The following TANGO6 variants were observed in gnomAD, a reference collection of about 807,000 sequenced individuals.
TANGO6 encodes transport and Golgi organization protein 6 homolog.
A neutral mutation model predicts 114.2 loss-of-function variants in TANGO6; 90 were observed. That is an observed-to-expected ratio of 0.79 (90% CI 0.66 to 0.94). The LOEUF (loss-of-function observed/expected upper bound fraction) is 0.94. Ranked by LOEUF, TANGO6 falls within the 40% of genes least tolerant of loss-of-function variation. The probability of loss-of-function intolerance (pLI) is 0.00; values close to 1 mark genes in which losing one functional copy is unlikely to be tolerated. For missense variants in TANGO6, 1,274 were observed against 1,315.3 expected, an observed-to-expected ratio of 0.97 and a Z score of 0.49; for synonymous variants, 477 against 509.8, an observed-to-expected ratio of 0.94 and a Z score of 0.87.
chr16:68,888,426 C>T (rs1011687754), intron 7 of TANGO6, among the ~76,000 whole-genome samples: 5 of 152,232 alleles, frequency 3.3e-5, no homozygotes, highest in Admixed American at 1.3e-4. Context: ...ATTTTTTGCT[C>T]GTAAGAGGAT....
chr16:68,970,395 C>CGGT (rs1348879707), intron 14 of TANGO6, among the ~76,000 whole-genome samples: 2 of 152,144 alleles, frequency 1.3e-5, no homozygotes, highest in Admixed American at 1.3e-4. Context: ...GGGCCCGGCA[C>CGGT]GGTGGCTCAT....
At chr16:69,040,183 C>G in intron 16 of TANGO6, 125 bp from the exon 17 acceptor site, 1 of 753,826 alleles carries the variant, frequency 1.3e-6, no homozygotes, top group Non-Finnish European at 2.2e-6. Context: ...GATTAAGCAA[C>G]TATCCAGCCC....
intron 15 of TANGO6, among the ~76,000 whole-genome samples, chr16:68,998,778 T>C (rs909487978): frequency 6.6e-6 from 1 of 152,076 alleles, no homozygotes; most frequent in Non-Finnish European, 1.5e-5. Flanking sequence ...TTTAGTCTTA[T>C]TAAACTTGGC....
intron 6 of TANGO6, among the ~76,000 whole-genome samples, chr16:68,878,848 A>G (rs528767181): frequency 3.3e-5 from 5 of 151,840 alleles, no homozygotes; most frequent in Admixed American, 3.3e-4. Flanking sequence ...TTAGGCGGGC[A>G]GATTGCTTGA....
chr16:69,081,014 T>C (rs1960456930), intron 17 of TANGO6, among the ~76,000 whole-genome samples: 2 of 152,064 alleles, frequency 1.3e-5, no homozygotes, highest in African/African-American at 4.8e-5. Context: ...GGTGGGCACC[T>C]GTAGTCCCAG....
intron 16 of TANGO6, among the ~76,000 whole-genome samples, chr16:69,023,834 T>A (rs890027930): frequency 6.6e-6 from 1 of 152,166 alleles, no homozygotes; most frequent in Non-Finnish European, 1.5e-5. Context: ...AAAAGATGAA[T>A]GGTGAACCAT....
intron 15 of TANGO6, among the ~76,000 whole-genome samples, chr16:69,015,627 G>T (rs1285158804): frequency 6.6e-6 from 1 of 151,782 alleles, no homozygotes; most frequent in East Asian, 1.9e-4. Context: ...GACTACAGGC[G>T]CCCGCCACCA....
rs1240874992 is a variant in TANGO6 at position 69,083,844 on chromosome 16, C to G, written c.*183C>G. The G allele has an allele frequency of 1.7e-6, 1 of 598,066 alleles. No homozygotes were observed. Among genetic ancestry groups the G allele is most frequent in the African/African-American group, 1.9e-5 (1 of 53,828 alleles). 37.0% of individuals were successfully genotyped at this position (598,066 alleles called of 1,614,324 possible). A position where few individuals can be genotyped will look rare whatever the true frequency, so the allele number is the denominator to read the frequency against. ...CTTCCGAGGGCATGTGTTCAGCACT[C>G]CCGCGTTCAGCCTGAGGGGTGTACA... On this transcript the variant is annotated 3_prime_UTR_variant, in exon 18 of 18. Coordinates refer to ENST00000261778, the MANE Select transcript of TANGO6 (RefSeq NM_024562.2).
chr16:69,011,327 G>A (rs765632267), intron 15 of TANGO6, among the ~76,000 whole-genome samples: 26 of 152,098 alleles, frequency 1.7e-4, no homozygotes, highest in Non-Finnish European at 3.8e-4. Context: ...TAAGAATTTG[G>A]CAGAGTGGAA....
chr16:69,066,235 T>C (rs750512775), intron 17 of TANGO6, among the ~76,000 whole-genome samples: 1 of 152,194 alleles, frequency 6.6e-6, no homozygotes, highest in Non-Finnish European at 1.5e-5. Context: ...TTCTCCTCTC[T>C]AGTCTTTGTT....
chr16:69,013,937 C>T (rs1401792935), intron 15 of TANGO6, among the ~76,000 whole-genome samples: 5 of 152,158 alleles, frequency 3.3e-5, no homozygotes, highest in Non-Finnish European at 5.9e-5. Context: ...GGATTACAGA[C>T]GTGAGCCACC....
chr16:68,921,045 G>A (rs1251996109), intron 12 of TANGO6, among the ~76,000 whole-genome samples: 1 of 149,384 alleles, frequency 6.7e-6, no homozygotes, highest in Non-Finnish European at 1.5e-5. Context: ...GGAGGTTGCA[G>A]TGGGCGGAGG....
chr16:68,870,418 A>G (rs1962249338), intron 4 of TANGO6, among the ~76,000 whole-genome samples: 1 of 152,170 alleles, frequency 6.6e-6, no homozygotes, highest in South Asian at 2.1e-4. Flanking sequence ...AGTTCTCCCC[A>G]CAGTGGCTTC....
chr16:69,064,653 C>G (rs1415098646), intron 17 of TANGO6, among the ~76,000 whole-genome samples: 1 of 152,160 alleles, frequency 6.6e-6, no homozygotes, highest in African/African-American at 2.4e-5. Flanking sequence ...CTGACAGATG[C>G]AGATTTGAAT....
At chr16:68,940,780 C>G (rs1963345246) in intron 14 of TANGO6, among the ~76,000 whole-genome samples, 1 of 152,122 alleles carries the variant, frequency 6.6e-6, no homozygotes, top group Admixed American at 6.5e-5. Flanking sequence ...ATAACAATAA[C>G]TTGAAAACAG....
intron 14 of TANGO6, among the ~76,000 whole-genome samples, chr16:68,935,486 A>G (rs879109037): frequency 1.3e-5 from 2 of 152,214 alleles, no homozygotes; most frequent in Non-Finnish European, 2.9e-5. Context: ...TATATTATCT[A>G]TCACAGCAAT....
chr16:68,922,450 C>T (rs371039193), intron 12 of TANGO6, among the ~76,000 whole-genome samples: 1 of 151,948 alleles, frequency 6.6e-6, no homozygotes. Context: ...GCAGGAGAAT[C>T]GCTTGAACCC....
rs143061953 is a variant in TANGO6, at chr16:68,980,383, T to TTCTCTC, written c.2842+6237_2842+6242dup. ...TGAGTATGAATCTATCTGTCTGTCA[T>TTCTCTC]TCTCTCTCTCTCTCTCTCTCTCTCT... On this transcript the variant is annotated intron_variant, in intron 15 of 17. Coordinates refer to ENST00000261778, the MANE Select transcript of TANGO6 (RefSeq NM_024562.2). 3.0e-3 allele frequency among the ~76,000 whole-genome samples: 112 copies of TTCTCTC among 36,836 alleles called. 1 individual carries two copies. Among genetic ancestry groups the TTCTCTC allele is most frequent in the South Asian group, 0.018 (15 of 856 alleles). 24.2% of individuals were successfully genotyped at this position (36,836 alleles called of 152,430 possible).
chr16:68,856,100 T>C (rs1961986861), intron 1 of TANGO6, among the ~76,000 whole-genome samples: 1 of 152,190 alleles, frequency 6.6e-6, no homozygotes, highest in Non-Finnish European at 1.5e-5. Flanking sequence ...TCTTCCTTTC[T>C]GCTCTTGTAT....
Sources: gnomAD v4.1 joint callset for allele counts (sites outside exome capture counted in the v4.1 genomes callset) on GRCh38, gnomAD v4.1.1 for gene constraint, MANE v1.5 for transcripts, NCBI Gene and HGNC (gene_info 2026-07-23, HGNC 2026-07-21) for gene names.